The following COL22A1 variants were observed in gnomAD, a reference collection of about 807,000 sequenced individuals.
COL22A1 encodes the protein collagen alpha-1(XXII) chain.
In COL22A1, 221 loss-of-function variants were observed where a neutral mutation model predicts 248.9. The ratio of observed to expected loss-of-function variants is 0.89; its 90% CI spans 0.80 to 0.99. The LOEUF is 0.99. COL22A1 is among the 50% of genes least tolerant of loss of function. The probability of loss-of-function intolerance (pLI) is 0.00; values close to 1 mark genes in which losing one functional copy is unlikely to be tolerated. For synonymous variants in COL22A1, 891 were observed against 793.4 expected (o/e 1.12, Z -2.07); for missense variants, 2,240 against 2,179.0 (o/e 1.03, Z -0.56).
intron 47 of COL22A1, among the ~76,000 whole-genome samples, chr8:138,643,237 A>C (rs1409148148): frequency 6.6e-6 from 1 of 152,188 alleles, no homozygotes; most frequent in Non-Finnish European, 1.5e-5. Flanking sequence ...ATACCTTTCA[A>C]TCTAACACTG....
In COL22A1 at chr8:138,788,109, G is replaced by T. The variant is rs139621803; in HGVS notation, c.1597-7129C>A. On this transcript the variant is annotated intron_variant, in intron 12 of 64. Transcript: ENST00000303045. ...AATATGCTGGGCAGTGGTTCTGAAA[G>T]CATGGTCACAGGCCAGCTGCATCAA... 2.6e-5 allele frequency among the ~76,000 whole-genome samples: 4 copies of T among 152,284 alleles called. No individual in the cohort carries two copies. In the East Asian group the frequency reaches 5.8e-4, roughly 22 times the overall value.
intron 30 of COL22A1, among the ~76,000 whole-genome samples, chr8:138,708,171 T>C (rs1204501286): frequency 3.3e-5 from 5 of 152,320 alleles, no homozygotes; most frequent in African/African-American, 1.2e-4. Flanking sequence ...TCCATGCTCA[T>C]GGATAGGAAG....
intron 12 of COL22A1, among the ~76,000 whole-genome samples, chr8:138,781,380 G>T (rs1219028573): frequency 6.6e-6 from 1 of 152,000 alleles, no homozygotes; most frequent in African/African-American, 2.4e-5. Context: ...CTGACTGGAT[G>T]AGCCTTTGCT....
chr8:138,876,798 G>C (rs969981987), intron 3 of COL22A1, among the ~76,000 whole-genome samples: 1 of 152,170 alleles, frequency 6.6e-6, no homozygotes, highest in African/African-American at 2.4e-5. Flanking sequence ...TTCCCAGCCA[G>C]GGGTTGTTCA....
chr8:138,714,563 C>T (rs1053843849), intron 30 of COL22A1, among the ~76,000 whole-genome samples: 6 of 152,148 alleles, frequency 3.9e-5, no homozygotes, highest in Admixed American at 2.0e-4. Context: ...TTGTCCTTTC[C>T]CACTCTTGCT....
intron 38 of COL22A1, 130 bp downstream of exon 38, chr8:138,685,078 T>G (rs529185009): frequency 2.9e-6 from 2 of 695,650 alleles, no homozygotes; most frequent in East Asian, 5.3e-5. Context: ...TGAACCCCTT[T>G]CCCAACCAGG....
Position 138,724,529 on chromosome 8 carries a change from C to G in COL22A1, c.2247+86G>C, listed in dbSNP as rs919845924. The G allele has an allele frequency of 2.2e-5, 30 of 1,358,190 alleles. No homozygotes were observed. The Middle Eastern group carries it at 5.3e-4, about 24-fold the overall frequency. The allele number at this position is 1,358,190 out of a possible 1,614,324, so 84.1% of individuals were successfully genotyped here. ...AGTCCTCAGCTCTAGGAAAGTGGCTCTGGGCCAGCTGCAAGGGCTCAGTGC... is the reference window on the plus strand; with the variant it reads ...AGTCCTCAGCTCTAGGAAAGTGGCTGTGGGCCAGCTGCAAGGGCTCAGTGC... On this transcript the variant is annotated intron_variant, in intron 25 of 64. Transcript: ENST00000303045.
At chr8:138,725,079 G>A (rs1830196530) in intron 24 of COL22A1, among the ~76,000 whole-genome samples, 1 of 152,204 alleles carries the variant, frequency 6.6e-6, no homozygotes, top group Non-Finnish European at 1.5e-5. Context: ...TTGCCTCAAA[G>A]CCAAATCACA....
chr8:138,809,778 A>G (rs977441539), intron 9 of COL22A1, among the ~76,000 whole-genome samples: 2 of 152,022 alleles, frequency 1.3e-5, no homozygotes, highest in African/African-American at 4.8e-5. Context: ...TCGGCCTCCC[A>G]AAGTGAGAGG....
At chr8:138,880,750 G>A (rs1824138936) in intron 2 of COL22A1, among the ~76,000 whole-genome samples, 1 of 152,120 alleles carries the variant, frequency 6.6e-6, no homozygotes, top group South Asian at 2.1e-4. Context: ...TTTTTTCCTT[G>A]ACACAAAAGA....
intron 15 of COL22A1, among the ~76,000 whole-genome samples, chr8:138,777,068 C>G (rs1814532690): frequency 6.6e-6 from 1 of 152,222 alleles, no homozygotes; most frequent in Non-Finnish European, 1.5e-5. Context: ...GGGTAGGGAC[C>G]TCCAGGATGA....
intron 41 of COL22A1, among the ~76,000 whole-genome samples, chr8:138,667,406 G>A (rs562745921): frequency 2.0e-4 from 31 of 152,230 alleles, no homozygotes; most frequent in Admixed American, 3.3e-4. Context: ...AATCAGAATC[G>A]ACTTAAATAG....
chr8:138,693,462 C>T (rs368227363), intron 35 of COL22A1, among the ~76,000 whole-genome samples, 184 bp downstream of exon 35: 6 of 152,204 alleles, frequency 3.9e-5, no homozygotes, highest in African/African-American at 9.7e-5. Context: ...AGAAATGCTA[C>T]GAAGGTGGTG....
At chr8:138,902,071 C>A (rs1028961638) in intron 1 of COL22A1, among the ~76,000 whole-genome samples, 5 of 152,122 alleles carry the variant, frequency 3.3e-5, no homozygotes, top group Non-Finnish European at 7.3e-5. Flanking sequence ...AAGGATGCTG[C>A]AGGCACAGGG....
intron 3 of COL22A1, among the ~76,000 whole-genome samples, chr8:138,875,294 C>T (rs527463849): frequency 2.4e-4 from 37 of 152,234 alleles, no homozygotes; most frequent in African/African-American, 7.9e-4. Context: ...GTTCCCAGCC[C>T]TGGTGTCTAT....
At position 138,594,048 on chromosome 8, in the gene COL22A1, C is replaced by A; in HGVS notation, c.4584G>T (p.Leu1528=). Residue 1528 remains leucine (L), a synonymous_variant, in exon 63 of 65, where the codon CTG becomes CTT. Transcript: ENST00000303045. ...GACCTATGGGTCCAGAGGGTCCTTC[C>A]AGACCCCCCTGCCCAGGACGACCTG... ...GEPGRPGQGG[L]EGPSGPIGPK... The A allele has an allele frequency of 1.3e-6, 2 of 1,588,598 alleles. No homozygotes were observed. The highest frequency in any genetic ancestry group is 1.7e-6 in the Non-Finnish European group (2 of 1,171,812).
intron 3 of COL22A1, among the ~76,000 whole-genome samples, chr8:138,867,112 T>TA (rs1822956162): frequency 6.6e-6 from 1 of 152,212 alleles, no homozygotes. Flanking sequence ...GTCTCTGTCT[T>TA]AAAGACTCAA....
rs529366419 is a variant in COL22A1 at position 138,907,746 on chromosome 8, C to T, written c.-73+5873G>A. On this transcript the variant is annotated intron_variant, in intron 1 of 64. Coordinates refer to ENST00000303045, the MANE Select transcript of COL22A1 (RefSeq NM_152888.3). The stretch of plus-strand genomic sequence containing the variant: ...CCCAGTGCATGGCACAGGCATCCAG[C>T]GAGGGTAACCCCACAGCAGAAGGCA... Among the ~76,000 whole-genome samples, 16 of 152,274 alleles carry T rather than the reference C, an allele frequency of 1.1e-4. No individual in the cohort carries two copies. The East Asian group carries it at 2.5e-3, about 24-fold the overall frequency.
chr8:138,850,907 C>A (rs1361646383), intron 3 of COL22A1, among the ~76,000 whole-genome samples: 1 of 152,170 alleles, frequency 6.6e-6, no homozygotes, highest in Admixed American at 6.5e-5. Context: ...AGTAAGTGCT[C>A]ATTTATTTAT....
Sources: gnomAD v4.1 joint callset for allele counts (sites outside exome capture counted in the v4.1 genomes callset) on GRCh38, gnomAD v4.1.1 for gene constraint, MANE v1.5 for transcripts, NCBI Gene and HGNC (gene_info 2026-07-23, HGNC 2026-07-21) for gene names.